Variants in ZBTB14 observed in about 807,000 individuals in gnomAD.
ZBTB14 encodes zinc finger and BTB domain containing 14, also known as zinc finger and BTB domain-containing protein 14.
Under a neutral mutation model 29.5 loss-of-function variants are expected in ZBTB14, and 8 were observed. That is an observed-to-expected ratio of 0.27 (90% CI 0.16 to 0.49). The LOEUF is 0.49. Among genes scored for constraint, ZBTB14 ranks in the 20% least tolerant of loss-of-function variants. The pLI is 0.99. For synonymous variants in ZBTB14, 226 were observed against 207.2 expected (o/e 1.09, Z -0.78); for missense variants, 333 against 563.8 (o/e 0.59, Z 4.15).
intron 3 of ZBTB14, among the ~76,000 whole-genome samples, chr18:5,292,751 C>A (rs983739900): frequency 2.0e-5 from 3 of 152,192 alleles, no homozygotes; most frequent in Non-Finnish European, 2.9e-5. Flanking sequence ...GTTATACCTC[C>A]TTGACAGAAG....
rs371540884 is a variant in ZBTB14, at chr18:5,292,058, G to A, written c.150C>T (p.His50=). The A allele has an allele frequency of 3.1e-6, 5 of 1,612,210 alleles. No homozygotes were observed. In the African/African-American group the frequency reaches 6.7e-5, roughly 22 times the overall value. ...IVVEDVKFRA[H]RCVLAACSTY... The stretch of plus-strand genomic sequence containing the variant: ...TGCTGCAGGCAGCAAGAACACATCT[G>A]TGTGCTCTGAATTTCACATCCTCAA... The change falls in exon 4 of 4, where the codon CAC becomes CAT. Residue 50 remains histidine, a synonymous_variant. Coordinates refer to ENST00000651870, the MANE Select transcript of ZBTB14 (RefSeq NM_001243702.2).
upstream of ZBTB14, chr18:5,296,222 T>TGCGCAC (rs1401753348): frequency 2.0e-5 from 3 of 150,686 alleles, no homozygotes; most frequent in African/African-American, 7.3e-5. Context: ...GGCCCTGGCC[T>TGCGCAC]GCGCACGCGC....
chr18:5,293,335 G>C lies in ZBTB14; in HGVS notation c.-81-8C>G. 6 of 1,363,430 alleles carry C rather than the reference G, an allele frequency of 4.4e-6. No individual in the cohort carries two copies. The highest frequency in any genetic ancestry group is 2.3e-5 in the East Asian group (1 of 42,720). 84.5% of individuals were successfully genotyped at this position (1,363,430 alleles called of 1,614,324 possible). A position where few individuals can be genotyped will look rare whatever the true frequency, so the allele number is the denominator to read the frequency against. On this transcript the variant is annotated splice_region_variant and splice_polypyrimidine_tract_variant and intron_variant, in intron 2 of 3. Transcript: ENST00000651870. ...ATCAGGAGCACGCCAGACCTACAGA[G>C]GAAAGGATAAACAAGAATGAGGTAG...
In ZBTB14 at chr18:5,290,972, G is replaced by A; in HGVS notation, c.1236C>T (p.His412=). The change falls in exon 4 of 4, where the codon CAC becomes CAT. Residue 412 remains histidine (H), a synonymous_variant. Coordinates refer to ENST00000651870, the MANE Select transcript of ZBTB14 (RefSeq NM_001243702.2). ...TGGGGGTAACCTGCTTCCTTTCACT[G>A]TGCATATTGTTCTCGTGCCTTTTCA... ...SDLKRHENNM[H]SERKQVTPSA... is the part of the protein sequence containing the mutation. The A allele has an allele frequency of 6.2e-7, 1 of 1,614,262 alleles. No homozygotes were observed. Among genetic ancestry groups the A allele is most frequent in the Non-Finnish European group, 8.5e-7 (1 of 1,180,056 alleles).
chr18:5,291,514 C>G lies in ZBTB14; in HGVS notation c.694G>C (p.Gly232Arg), dbSNP rs1415997369. Residue 232 changes from glycine to arginine, a missense_variant, in exon 4 of 4, where the codon GGG (glycine) becomes CGG (arginine). This residue lies in a region of ZBTB14 where 126 missense variants were observed against 132.2 expected (regional missense o/e 0.95). Transcript: ENST00000651870. The surrounding 1 kb of genome is among the most constrained non-coding windows in gnomAD (Gnocchi z 5.8). ...GTTAAGGCTTGAGGGGTCTGGGACC[C>G]CAAGTCTTTTGATTCTGGGGTCTCC... ...SMETPESKDL[G>R]SQTPQALTFN... 3.7e-6 allele frequency: 6 copies of G among 1,614,018 alleles called. No individual in the cohort carries two copies. The highest frequency in any genetic ancestry group is 5.1e-6 in the Non-Finnish European group (6 of 1,180,038).
chr18:5,292,543 T>C (rs577289022), intron 3 of ZBTB14, among the ~76,000 whole-genome samples: 4 of 152,230 alleles, frequency 2.6e-5, no homozygotes, highest in Non-Finnish European at 5.9e-5. Context: ...CTGCCCAATA[T>C]TCTATAGCTA....
upstream of ZBTB14, chr18:5,296,269 C>A (rs546032773): frequency 1.3e-5 from 2 of 149,728 alleles, no homozygotes; most frequent in East Asian, 2.0e-4. Flanking sequence ...GGAGCCCGCG[C>A]GCGGGAGAAG....
At chr18:5,292,226 A>G (rs1277201730) in intron 3 of ZBTB14, 22 bp from the exon 4 acceptor site, 2 of 1,469,528 alleles carry the variant, frequency 1.4e-6, no homozygotes, top group South Asian at 2.8e-5. Context: ...AAAAAAGTTT[A>G]GTAATTATAA....
At chr18:5,296,353 C>G (rs544314512), upstream of ZBTB14, among the ~76,000 whole-genome samples, 42 of 150,396 alleles carry the variant, frequency 2.8e-4, no homozygotes, top group Middle Eastern at 3.4e-3. Flanking sequence ...GACACCCGCC[C>G]CGCCTCAAGC....
In ZBTB14 at chr18:5,291,462, T is replaced by C; in HGVS notation, c.746A>G (p.Lys249Arg). 6.2e-7 allele frequency: 1 copy of C among 1,614,208 alleles called. No individual in the cohort carries two copies. Among genetic ancestry groups the C allele is most frequent in the East Asian group, 2.2e-5 (1 of 44,872 alleles). Residue 249 changes from lysine (K) to arginine (R), a missense_variant, in exon 4 of 4, where the codon AAA becomes AGA. Lys to Arg is a conservative substitution (Grantham distance 26, BLOSUM62 2). Around this residue, in one of 3 missense-constraint regions of ZBTB14, gnomAD observed 140 missense variants for 274.6 expected, o/e 0.51. Transcript: ENST00000651870. This position sits in a 1 kb window ranked among gnomAD's most constrained non-coding sequence, Gnocchi z 5.8. ...LTFNDGMSEV[K>R]DEQTPGWTTA... Reference sequence around the variant, plus strand: ...TGTCCAGCCTGGTGTCTGTTCATCTTTCACTTCACTCATCCCATCATTAAA... The same window carrying C: ...TGTCCAGCCTGGTGTCTGTTCATCTCTCACTTCACTCATCCCATCATTAAA...
intron 1 of ZBTB14, among the ~76,000 whole-genome samples, chr18:5,295,443 G>T (rs1367249657): frequency 6.9e-6 from 1 of 145,240 alleles, no homozygotes; most frequent in Non-Finnish European, 1.5e-5. Flanking sequence ...CGCGCTCCGC[G>T]CTGGGTTCGG....
In ZBTB14 at chr18:5,290,205, A is replaced by C. The variant is rs1432182913; in HGVS notation, c.*653T>G. The C allele has an allele frequency of 1.3e-5, 2 of 152,224 alleles. No individual in the cohort carries two copies. The highest frequency in any genetic ancestry group is 4.8e-5 in the African/African-American group (2 of 41,442). 9.4% of individuals were successfully genotyped at this position (152,224 alleles called of 1,614,324 possible). On this transcript the variant is annotated 3_prime_UTR_variant, in exon 4 of 4. Transcript: ENST00000651870. ...GTTTGCTTGGCCTTTAGGATGTGTG[A>C]CTACAGCTTTTGGGTAGGTACAGGG...
rs2071942109 is a variant in ZBTB14 at position 5,295,639 on chromosome 18, T to G, written c.-112+13A>C. 7.2e-5 allele frequency: 10 copies of G among 138,528 alleles called. No homozygotes were observed. Among genetic ancestry groups the G allele is most frequent in the East Asian group, 5.1e-4 (2 of 3,952 alleles). The allele number at this position is 138,528 out of a possible 1,614,324, so 8.6% of individuals were successfully genotyped here. On this transcript the variant is annotated intron_variant, in intron 1 of 3. Coordinates refer to ENST00000651870, the MANE Select transcript of ZBTB14 (RefSeq NM_001243702.2). The stretch of plus-strand genomic sequence containing the variant: ...CACGCCCAACCCTGGCCCACGCCCG[T>G]CCCCGCTCGCACCGCGCCGCGCCGC...
chr18:5,291,053 C>T lies in ZBTB14; in HGVS notation c.1155G>A (p.Gly385=), dbSNP rs1410612634. 2 of 1,614,262 alleles carry T rather than the reference C, an allele frequency of 1.2e-6. No individual in the cohort carries two copies. Among genetic ancestry groups the T allele is most frequent in the Non-Finnish European group, 1.7e-6 (2 of 1,180,044 alleles). Residue 385 remains glycine (G), a synonymous_variant, in exon 4 of 4, where the codon GGG becomes GGA. Coordinates refer to ENST00000651870, the MANE Select transcript of ZBTB14 (RefSeq NM_001243702.2). This position sits in a 1 kb window ranked among gnomAD's most constrained non-coding sequence, Gnocchi z 5.8. ...AGGAGCCACACACAAAAGGCTTTTC[C>T]CCTCTGTGTCTTCTTTCATGATCCT... The part of the protein sequence containing the change: ...HLKDHERRHR[G]EKPFVCGSCT...
At position 5,290,387 on chromosome 18, in the gene ZBTB14, A is replaced by G. The variant is rs2071783599; in HGVS notation, c.*471T>C. The G allele has an allele frequency of 6.5e-6, 1 of 153,906 alleles. No individual in the cohort carries two copies. The highest frequency in any genetic ancestry group is 2.4e-5 in the African/African-American group (1 of 41,506). 9.5% of individuals were successfully genotyped at this position (153,906 alleles called of 1,614,324 possible). ...TATATTTGTGCAGTGTTCTTGGTCA[A>G]CCACTCACCAATTTTCTGCGTCTAT... is the stretch of plus-strand genomic sequence containing the variant. On this transcript the variant is annotated 3_prime_UTR_variant, in exon 4 of 4. Coordinates refer to ENST00000651870, the MANE Select transcript of ZBTB14 (RefSeq NM_001243702.2).
In ZBTB14 at chr18:5,289,769, TCTA is replaced by T. The variant is rs778947070; in HGVS notation, c.*1086_*1088del. The T allele has an allele frequency of 1.3e-5, 2 of 152,628 alleles. No homozygotes were observed. Among genetic ancestry groups the T allele is most frequent in the African/African-American group, 4.8e-5 (2 of 41,444 alleles). 9.5% of individuals were successfully genotyped at this position (152,628 alleles called of 1,614,324 possible). ...CCAATGTGCAAAAAAAGTGCAGCTG[TCTA>T]CTTTTTACTTGAAATACGTAAGACC... On this transcript the variant is annotated 3_prime_UTR_variant, in exon 4 of 4. Coordinates refer to ENST00000651870, the MANE Select transcript of ZBTB14 (RefSeq NM_001243702.2).
intron 1 of ZBTB14, among the ~76,000 whole-genome samples, chr18:5,295,450 T>A (rs1045321345): frequency 1.4e-5 from 2 of 144,670 alleles, no homozygotes; most frequent in African/African-American, 5.0e-5. Context: ...CGCGCTGGGT[T>A]CGGGCCGTCC....
Position 5,290,814 on chromosome 18 carries a change from C to G in ZBTB14, c.*44G>C, listed in dbSNP as rs751737250. On this transcript the variant is annotated 3_prime_UTR_variant, in exon 4 of 4. Coordinates refer to ENST00000651870, the MANE Select transcript of ZBTB14 (RefSeq NM_001243702.2). Reference sequence around the variant, plus strand: ...ATTCACTCATTATGATCCACGTCATCTCAGTCTCCACTTTCCAGGCAAAGT... The same window carrying G: ...ATTCACTCATTATGATCCACGTCATGTCAGTCTCCACTTTCCAGGCAAAGT... 33 of 1,583,472 alleles carry G rather than the reference C, an allele frequency of 2.1e-5. No individual in the cohort carries two copies. The highest frequency in any genetic ancestry group is 2.0e-4 in the South Asian group (17 of 85,300).
chr18:5,295,149 G>T (rs2071919794), intron 1 of ZBTB14, among the ~76,000 whole-genome samples: 1 of 145,960 alleles, frequency 6.9e-6, no homozygotes, highest in African/African-American at 2.5e-5. Flanking sequence ...CCGGCGGCGC[G>T]ACGAGCGGGA....
Sources: gnomAD v4.1 joint callset for allele counts (sites outside exome capture counted in the v4.1 genomes callset) on GRCh38, gnomAD v4.1.1 for gene constraint, gnomAD v4.1.1 regional missense constraint, Gnocchi (gnomAD v3.1) non-coding constraint, MANE v1.5 for transcripts, NCBI Gene and HGNC (gene_info 2026-07-23, HGNC 2026-07-21) for gene names.